PPP2R2A: variants seen among roughly 807,000 people sequenced by gnomAD.
The protein encoded by PPP2R2A is protein phosphatase 2 regulatory subunit Balpha, also known as serine/threonine-protein phosphatase 2A 55 kDa regulatory subunit B alpha isoform.
In PPP2R2A, 9 loss-of-function variants were observed where a neutral mutation model predicts 53.2. The ratio of observed to expected loss-of-function variants is 0.17; its 90% confidence interval spans 0.10 to 0.30. PPP2R2A has a LOEUF of 0.30. PPP2R2A is among the 10% of genes least tolerant of loss of function. The pLI, the probability that PPP2R2A is intolerant of heterozygous loss-of-function variation, is 1.00. For missense variants in PPP2R2A, 235 were observed against 534.6 expected, an observed-to-expected ratio of 0.44 and a Z score of 5.53; for synonymous variants, 169 against 174.2, an observed-to-expected ratio of 0.97 and a Z score of 0.23.
chr8:26,315,363 G>T (rs1192040157), intron 2 of PPP2R2A, among the ~76,000 whole-genome samples: 3 of 152,160 alleles, frequency 2.0e-5, no homozygotes, highest in Admixed American at 6.5e-5. Flanking sequence ...TGGGAGGTGG[G>T]TAAGTGGGAT....
At chr8:26,303,226 C>T (rs766183781) in intron 2 of PPP2R2A, among the ~76,000 whole-genome samples, 1 of 152,120 alleles carries the variant, frequency 6.6e-6, no homozygotes, top group African/African-American at 2.4e-5. Context: ...ACCTTCAGGA[C>T]GTTAAAGTAT....
chr8:26,327,736 A>G (rs1803167447), intron 2 of PPP2R2A, among the ~76,000 whole-genome samples: 1 of 152,194 alleles, frequency 6.6e-6, no homozygotes, highest in Non-Finnish European at 1.5e-5. Context: ...TTATATTGGG[A>G]AGAAATTGGT....
At chr8:26,324,579 A>T (rs552150068) in intron 2 of PPP2R2A, among the ~76,000 whole-genome samples, 23 of 152,306 alleles carry the variant, frequency 1.5e-4, no homozygotes, top group African/African-American at 5.5e-4. Flanking sequence ...CTCTGCTAGG[A>T]CAGTGCGGAA....
rs922500873 is a variant in PPP2R2A, at chr8:26,372,462, T to C, written c.*2049T>C. 3.9e-5 allele frequency: 6 copies of C among 152,206 alleles called. No individual in the cohort carries two copies. The highest frequency in any genetic ancestry group is 1.4e-4 in the African/African-American group (6 of 41,452). The allele number at this position is 152,206 out of a possible 1,614,324, so 9.4% of individuals were successfully genotyped here. On this transcript the variant is annotated 3_prime_UTR_variant, in exon 10 of 10. Transcript: ENST00000380737. ...TTTTTTGATTGATCAGTAGCTATGA[T>C]GATTCTCCTCCATGACACTAAGGAT... is the stretch of plus-strand genomic sequence containing the variant.
At chr8:26,293,885 T>C (rs1801420412) in intron 2 of PPP2R2A, 145 bp downstream of exon 2, 1 of 718,984 alleles carries the variant, frequency 1.4e-6, no homozygotes, top group Admixed American at 3.0e-5. Context: ...AAAAGATACC[T>C]TTCTGAAAAA....
rs570031786 is a variant in PPP2R2A at position 26,360,454 on chromosome 8, A to G, written c.459+173A>G. The G allele has an allele frequency of 2.4e-6, 1 of 418,722 alleles. No homozygotes were observed. Among genetic ancestry groups the G allele is most frequent in the East Asian group, 3.7e-5 (1 of 27,054 alleles). 25.9% of individuals were successfully genotyped at this position (418,722 alleles called of 1,614,324 possible). ...TTTAAACATAGAAACTGACCTACAT[A>G]GAGGTCTCACTTTGGCCAGGGACAG... is the stretch of plus-strand genomic sequence containing the variant. On this transcript the variant is annotated intron_variant, in intron 5 of 9. Coordinates refer to ENST00000380737, the MANE Select transcript of PPP2R2A (RefSeq NM_002717.4). The surrounding 1 kb of genome is among the most constrained non-coding windows in gnomAD (Gnocchi z 4.5).
At chr8:26,296,583 A>C (rs906952438) in intron 2 of PPP2R2A, among the ~76,000 whole-genome samples, 2 of 152,208 alleles carry the variant, frequency 1.3e-5, no homozygotes, top group Non-Finnish European at 2.9e-5. Flanking sequence ...CGTAGATATC[A>C]TATGGTACCC....
chr8:26,330,152 G>T (rs572146872), intron 2 of PPP2R2A, among the ~76,000 whole-genome samples: 15 of 152,082 alleles, frequency 9.9e-5, no homozygotes, highest in Admixed American at 9.8e-4. Flanking sequence ...TTATAGGGTA[G>T]TTCTTCAACT....
At chr8:26,355,602 C>T (rs372619881) in intron 4 of PPP2R2A, among the ~76,000 whole-genome samples, 9 of 152,204 alleles carry the variant, frequency 5.9e-5, no homozygotes, top group South Asian at 2.1e-4. Context: ...TGGTGGCTCA[C>T]GCCTGTAATC....
chr8:26,365,365 G>C (rs888720561), intron 8 of PPP2R2A: 18 of 151,980 alleles, frequency 1.2e-4, no homozygotes, highest in Admixed American at 1.2e-3. Context: ...CTATTCCTCT[G>C]TATTACAGAT....
In PPP2R2A at chr8:26,370,121, T is replaced by C. The variant is rs1485859373; in HGVS notation, c.1065-13T>C. The C allele has an allele frequency of 1.7e-5, 28 of 1,610,746 alleles. No individual in the cohort carries two copies. Among genetic ancestry groups the C allele is most frequent in the Non-Finnish European group, 2.3e-5 (27 of 1,177,402 alleles). ...TCTGCTTGTTTGACTGAGTGTACTG[T>C]CTATTTTCACAGTGTTGTCATGACT... On this transcript the variant is annotated splice_polypyrimidine_tract_variant and intron_variant, in intron 9 of 9. Transcript: ENST00000380737. The surrounding 1 kb of genome is among the most constrained non-coding windows in gnomAD (Gnocchi z 6.1).
intron 1 of PPP2R2A, chr8:26,293,102 G>A: frequency 1.3e-6 from 1 of 756,392 alleles, no homozygotes; most frequent in Non-Finnish European, 2.1e-6. Context: ...AGTCTCTTTA[G>A]CAGCATTCAT....
chr8:26,291,975 G>T, intron 1 of PPP2R2A, 149 bp downstream of exon 1: 1 of 1,208,108 alleles, frequency 8.3e-7, no homozygotes, highest in South Asian at 1.7e-5. Context: ...TGGGGTGGGG[G>T]CGGGGAGGGC....
intron 4 of PPP2R2A, among the ~76,000 whole-genome samples, chr8:26,357,682 G>T (rs1024418025): frequency 4.0e-5 from 6 of 151,820 alleles, no homozygotes; most frequent in African/African-American, 1.5e-4. Flanking sequence ...AGTTTTTTAG[G>T]GTCTTACATA....
At chr8:26,312,247 A>G (rs1233380970) in intron 2 of PPP2R2A, among the ~76,000 whole-genome samples, 1 of 152,228 alleles carries the variant, frequency 6.6e-6, no homozygotes, top group Admixed American at 6.5e-5. Context: ...CTGTTTTGTT[A>G]AAAGAGTTGT....
At chr8:26,357,778 GTTC>G (rs1390596348) in intron 4 of PPP2R2A, among the ~76,000 whole-genome samples, 3 of 151,886 alleles carry the variant, frequency 2.0e-5, no homozygotes, top group Non-Finnish European at 2.9e-5. Context: ...GAGGAACTCT[GTTC>G]TTCTGCAGTT....
rs1804680558 is a variant in PPP2R2A, at chr8:26,354,654, T to C, written c.346+21T>C. On this transcript the variant is annotated intron_variant, in intron 4 of 9. Transcript: ENST00000380737. The surrounding 1 kb of genome is among the most constrained non-coding windows in gnomAD (Gnocchi z 4.6). ...CAATGGTAAGTATACATATTTTCTT[T>C]CCATGTGCCCACTGTGTGTACCTGT... 1 of 1,558,792 alleles carries C rather than the reference T, an allele frequency of 6.4e-7. No individual in the cohort carries two copies. The highest frequency in any genetic ancestry group is 8.7e-7 in the Non-Finnish European group (1 of 1,148,650).
At chr8:26,335,106 C>G (rs1043578641) in intron 2 of PPP2R2A, among the ~76,000 whole-genome samples, 3 of 152,228 alleles carry the variant, frequency 2.0e-5, no homozygotes, top group Non-Finnish European at 4.4e-5. Context: ...ATACCCCATT[C>G]TTGGCATGCC....
At chr8:26,333,290 C>T (rs1411853233) in intron 2 of PPP2R2A, among the ~76,000 whole-genome samples, 1 of 152,112 alleles carries the variant, frequency 6.6e-6, no homozygotes, top group Non-Finnish European at 1.5e-5. Context: ...GGTTGTGGGC[C>T]GTAGTTTTCC....
Sources: allele counts gnomAD v4.1 joint callset (sites outside exome capture counted in the v4.1 genomes callset), GRCh38; gene constraint gnomAD v4.1.1; non-coding constraint Gnocchi (gnomAD v3.1); transcripts MANE v1.5; gene names NCBI Gene and HGNC (gene_info 2026-07-23, HGNC 2026-07-21).